The following BCAS3 variants were observed in gnomAD, a reference collection of about 807,000 sequenced individuals.
The protein encoded by BCAS3 is BCAS3 microtubule associated cell migration factor, also known as BCAS4/BCAS3 fusion.
A neutral mutation model predicts 116.1 loss-of-function variants in BCAS3; 53 were observed. The observed-to-expected ratio is 0.46, with a 90% CI of 0.37 to 0.57. The LOEUF (loss-of-function observed/expected upper bound fraction) is 0.57, where lower values mean the gene tolerates loss of function less well. Ranked by LOEUF, BCAS3 falls within the 20% of genes least tolerant of loss-of-function variation. The probability of loss-of-function intolerance (pLI) is 0.00; values close to 1 mark genes in which losing one functional copy is unlikely to be tolerated. For synonymous variants in BCAS3, 391 were observed against 408.2 expected, an observed-to-expected ratio of 0.96 and a Z score of 0.51; for missense variants, 917 against 1,165.4, an observed-to-expected ratio of 0.79 and a Z score of 3.10.
At position 61,098,316 on chromosome 17, in the gene BCAS3, G is replaced by A. The variant is rs1200788584; in HGVS notation, c.2425+13752G>A. ...AAATAGAGTCTTTGTCCCCCTTTCT[G>A]TTCTTAGTATTTAAGAGGCCTTCAT... On this transcript the variant is annotated intron_variant, in intron 22 of 23. Coordinates refer to ENST00000407086, the MANE Select transcript of BCAS3 (RefSeq NM_017679.5). This position sits in a 1 kb window ranked among gnomAD's most constrained non-coding sequence, Gnocchi z 4.2. 6.6e-6 allele frequency among the ~76,000 whole-genome samples: 1 copy of A among 152,156 alleles called. No individual in the cohort carries two copies. Among genetic ancestry groups the A allele is most frequent in the Non-Finnish European group, 1.5e-5 (1 of 68,018 alleles).
At chr17:60,742,344 C>T (rs1406435851) in intron 5 of BCAS3, among the ~76,000 whole-genome samples, 1 of 151,770 alleles carries the variant, frequency 6.6e-6, no homozygotes, top group Non-Finnish European at 1.5e-5. Context: ...TGCTAGAGAG[C>T]TCTTGGTAAT....
intron 4 of BCAS3, among the ~76,000 whole-genome samples, chr17:60,692,575 A>G (rs1397474687): frequency 6.7e-6 from 1 of 149,374 alleles, no homozygotes; most frequent in Non-Finnish European, 1.5e-5. Context: ...TGCATGTTGA[A>G]TATTGAAACA....
At chr17:61,025,713 A>C (rs2145570378) in intron 16 of BCAS3, among the ~76,000 whole-genome samples, 1 of 152,168 alleles carries the variant, frequency 6.6e-6, no homozygotes. Flanking sequence ...CATCATCTCT[A>C]AAGTTTTGTT....
intron 7 of BCAS3, among the ~76,000 whole-genome samples, chr17:60,820,216 C>T (rs1052098052): frequency 5.9e-5 from 9 of 152,034 alleles, no homozygotes; most frequent in South Asian, 2.1e-4. Context: ...TACAGGCACC[C>T]GCCACCACGC....
chr17:60,755,507 A>G (rs891032839), intron 6 of BCAS3, among the ~76,000 whole-genome samples: 8 of 152,240 alleles, frequency 5.3e-5, no homozygotes, highest in African/African-American at 1.9e-4. Context: ...AAGTACTTCA[A>G]AACCCTGTTC....
At position 61,118,784 on chromosome 17, in the gene BCAS3, A is replaced by C. The variant is rs942031791; in HGVS notation, c.2425+34220A>C. ...GCATAGACAGACCTTGAGGTGTAGA[A>C]ATGTTCAATAACCTTTACCAATATG... On this transcript the variant is annotated intron_variant, in intron 22 of 23. Coordinates refer to ENST00000407086, the MANE Select transcript of BCAS3 (RefSeq NM_017679.5). This position sits in a 1 kb window ranked among gnomAD's most constrained non-coding sequence, Gnocchi z 5.0. Among the ~76,000 whole-genome samples, 2 of 152,134 alleles carry C rather than the reference A, an allele frequency of 1.3e-5. No homozygotes were observed. The highest frequency in any genetic ancestry group is 2.4e-5 in the African/African-American group (1 of 41,420).
In BCAS3 at chr17:61,251,535, A is replaced by C. The variant is rs183952251; in HGVS notation, c.2426-116792A>C. On this transcript the variant is annotated intron_variant, in intron 22 of 23. Transcript: ENST00000407086. This position sits in a 1 kb window ranked among gnomAD's most constrained non-coding sequence, Gnocchi z 4.7. ...CAGTGAGCCGAGATTGCGCCATTCC[A>C]CTCCAGCCTGGGCAACAAGAGCGAA... 5.4e-5 allele frequency among the ~76,000 whole-genome samples: 8 copies of C among 149,410 alleles called. No individual in the cohort carries two copies. The East Asian group carries it at 9.9e-4, about 18-fold the overall frequency.
At chr17:60,820,999 G>A (rs1377272653) in intron 7 of BCAS3, among the ~76,000 whole-genome samples, 1 of 151,952 alleles carries the variant, frequency 6.6e-6, no homozygotes, top group Non-Finnish European at 1.5e-5. Context: ...CAGGCTGGAG[G>A]GCAGTGGCAC....
chr17:61,167,772 C>A (rs1435278332), intron 22 of BCAS3, among the ~76,000 whole-genome samples: 2 of 152,154 alleles, frequency 1.3e-5, no homozygotes, highest in African/African-American at 2.4e-5. Context: ...TAGGGGATAC[C>A]TTTGAACAGA....
intron 22 of BCAS3, among the ~76,000 whole-genome samples, chr17:61,143,417 A>G (rs2077028707): frequency 6.6e-6 from 1 of 152,238 alleles, no homozygotes; most frequent in Non-Finnish European, 1.5e-5. Flanking sequence ...CAAATGTAGA[A>G]TAAAGGTAGA....
chr17:61,109,269 G>A lies in BCAS3; in HGVS notation c.2425+24705G>A, dbSNP rs979759234. On this transcript the variant is annotated intron_variant, in intron 22 of 23. Coordinates refer to ENST00000407086, the MANE Select transcript of BCAS3 (RefSeq NM_017679.5). ...CATTATTTCATTCCTTGTTACGGCCGAGTAGTATTCCATTTGTGTGTGTGT... is the reference window on the plus strand; with the variant it reads ...CATTATTTCATTCCTTGTTACGGCCAAGTAGTATTCCATTTGTGTGTGTGT... Among the ~76,000 whole-genome samples, 12 of 149,154 alleles carry A rather than the reference G, an allele frequency of 8.0e-5. No individual in the cohort carries two copies. The East Asian group carries it at 1.4e-3, about 17-fold the overall frequency.
intron 6 of BCAS3, among the ~76,000 whole-genome samples, chr17:60,793,635 T>C (rs1453187063): frequency 6.6e-6 from 1 of 152,142 alleles, no homozygotes; most frequent in Admixed American, 6.5e-5. Flanking sequence ...TCCCACATAT[T>C]AGTGAGAACA....
At chr17:60,750,107 C>T (rs1465279638) in intron 6 of BCAS3, among the ~76,000 whole-genome samples, 3 of 151,316 alleles carry the variant, frequency 2.0e-5, no homozygotes, top group Non-Finnish European at 2.9e-5. Context: ...GCAGAGGTTG[C>T]AGTGAGCCGA....
At chr17:61,076,102 T>C (rs922108090) in intron 20 of BCAS3, among the ~76,000 whole-genome samples, 2 of 152,194 alleles carry the variant, frequency 1.3e-5, no homozygotes, top group Admixed American at 6.5e-5. Context: ...CAGGTGAAGC[T>C]GTCTTCATCT....
At chr17:61,221,255 A>T (rs746146248) in intron 22 of BCAS3, among the ~76,000 whole-genome samples, 1 of 152,218 alleles carries the variant, frequency 6.6e-6, no homozygotes, top group Non-Finnish European at 1.5e-5. Flanking sequence ...ATCTCAGAAT[A>T]CTTCCTTCTA....
intron 22 of BCAS3, among the ~76,000 whole-genome samples, chr17:61,257,203 C>T (rs993325331): frequency 2.6e-5 from 4 of 151,938 alleles, no homozygotes; most frequent in Non-Finnish European, 4.4e-5. Flanking sequence ...AGGCAGATCA[C>T]GAGGTCAGGA....
chr17:61,305,650 C>T (rs530486961), intron 22 of BCAS3, among the ~76,000 whole-genome samples: 1 of 152,338 alleles, frequency 6.6e-6, no homozygotes, highest in South Asian at 2.1e-4. Context: ...AATCCCAGCA[C>T]TCTGGGAGGC....
At chr17:60,980,137 T>C (rs1377402120) in intron 14 of BCAS3, among the ~76,000 whole-genome samples, 2 of 152,132 alleles carry the variant, frequency 1.3e-5, no homozygotes, top group Non-Finnish European at 2.9e-5. Context: ...GGACTCTTTT[T>C]GGTTGGTAAG....
At chr17:60,947,141 A>G in intron 13 of BCAS3, 78 bp from the exon 14 acceptor site, 1 of 1,399,310 alleles carries the variant, frequency 7.1e-7, no homozygotes, top group Non-Finnish European at 9.8e-7. Flanking sequence ...TATTTTAAAT[A>G]TTGTGAATAG....
Sources: gnomAD v4.1 joint callset for allele counts (sites outside exome capture counted in the v4.1 genomes callset) on GRCh38, gnomAD v4.1.1 for gene constraint, Gnocchi (gnomAD v3.1) non-coding constraint, MANE v1.5 for transcripts, NCBI Gene and HGNC (gene_info 2026-07-23, HGNC 2026-07-21) for gene names.